Variants in TAFA4 observed in about 807,000 individuals in gnomAD.
TAFA4 encodes TAFA chemokine like family member 4.
In TAFA4, 20 loss-of-function variants were observed where a neutral mutation model predicts 21.1. The ratio of observed to expected loss-of-function variants is 0.95; its 90% CI spans 0.67 to 1.38. The LOEUF (loss-of-function observed/expected upper bound fraction) is 1.38, where lower values mean the gene tolerates loss of function less well. TAFA4 is among the 40% of genes most tolerant of loss of function. The pLI is 0.00. For synonymous variants in TAFA4, 71 were observed against 67.4 expected (o/e 1.05, Z -0.26); for missense variants, 211 against 180.9 (o/e 1.17, Z -0.95).
At chr3:68,749,429 C>G (rs1259285040) in intron 4 of TAFA4, among the ~76,000 whole-genome samples, 1 of 152,076 alleles carries the variant, frequency 6.6e-6, no homozygotes, top group Admixed American at 6.6e-5. Flanking sequence ...TTCTTATTGA[C>G]AGATAAGAGG....
chr3:68,754,069 ACTCT>A (rs1366512423), intron 3 of TAFA4, among the ~76,000 whole-genome samples: 2 of 152,004 alleles, frequency 1.3e-5, no homozygotes, highest in African/African-American at 4.8e-5. Context: ...TTTATCATTC[ACTCT>A]CTCATGTTTT....
intron 3 of TAFA4, among the ~76,000 whole-genome samples, chr3:68,808,497 T>C (rs1703753004): frequency 6.6e-6 from 1 of 152,222 alleles, no homozygotes; most frequent in Admixed American, 6.5e-5. Flanking sequence ...ACTGCCTTCT[T>C]AAACCCTCTG....
At chr3:68,819,238 C>T (rs1013458888) in intron 3 of TAFA4, among the ~76,000 whole-genome samples, 1 of 146,408 alleles carries the variant, frequency 6.8e-6, no homozygotes, top group African/African-American at 2.5e-5. Flanking sequence ...CTACTGCACA[C>T]CTGCCTGGGT....
At chr3:68,931,401 A>T (rs1416981543) in intron 1 of TAFA4, among the ~76,000 whole-genome samples, 3 of 152,196 alleles carry the variant, frequency 2.0e-5, no homozygotes, top group Non-Finnish European at 2.9e-5. Flanking sequence ...GGAGCCCCTA[A>T]ACGTTAAATG....
At chr3:68,750,545 C>A (rs984536323) in intron 4 of TAFA4, among the ~76,000 whole-genome samples, 3 of 152,096 alleles carry the variant, frequency 2.0e-5, no homozygotes, top group African/African-American at 2.4e-5. Context: ...CACAGATATA[C>A]AGAAAAATAT....
At chr3:68,758,542 C>A (rs1021827163) in intron 3 of TAFA4, among the ~76,000 whole-genome samples, 1 of 152,206 alleles carries the variant, frequency 6.6e-6, no homozygotes, top group Non-Finnish European at 1.5e-5. Context: ...GATTGTGAGG[C>A]CTCCCCAGCC....
chr3:68,733,036 G>A lies in TAFA4; in HGVS notation c.*106C>T. The A allele has an allele frequency of 6.8e-7, 1 of 1,467,462 alleles. No individual in the cohort carries two copies. Among genetic ancestry groups the A allele is most frequent in the Non-Finnish European group, 9.4e-7 (1 of 1,062,578 alleles). The allele number at this position is 1,467,462 out of a possible 1,614,324, so 90.9% of individuals were successfully genotyped here. ...AGCTCACATATACAAATATGAAGTT[G>A]CTGAAATCCTAGACAATTTTCTGCA... On this transcript the variant is annotated 3_prime_UTR_variant, in exon 6 of 6. Coordinates refer to ENST00000295569, the MANE Select transcript of TAFA4 (RefSeq NM_182522.5).
At chr3:68,831,543 A>G (rs186636236) in intron 3 of TAFA4, among the ~76,000 whole-genome samples, 1 of 146,550 alleles carries the variant, frequency 6.8e-6, no homozygotes, top group Non-Finnish European at 1.5e-5. Context: ...GGTTTCTGCA[A>G]TCAGATCTGC....
chr3:68,873,376 A>ACACACC (rs1491286222), intron 3 of TAFA4, among the ~76,000 whole-genome samples: 5 of 138,456 alleles, frequency 3.6e-5, no homozygotes, highest in African/African-American at 5.1e-5. Flanking sequence ...ACACACACAC[A>ACACACC]CCCTGGGCCA....
intron 3 of TAFA4, among the ~76,000 whole-genome samples, chr3:68,869,972 AC>A (rs1488194442): frequency 6.6e-6 from 1 of 152,080 alleles, no homozygotes; most frequent in Admixed American, 6.6e-5. Context: ...AAAGATTCCA[AC>A]AAAAAACACT....
intron 3 of TAFA4, among the ~76,000 whole-genome samples, chr3:68,799,528 G>C (rs1465076263): frequency 6.6e-6 from 1 of 152,188 alleles, no homozygotes; most frequent in African/African-American, 2.4e-5. Flanking sequence ...GGTAAAAGAG[G>C]CTTTGCAGTT....
chr3:68,852,391 T>C (rs1575641430), intron 3 of TAFA4, among the ~76,000 whole-genome samples: 1 of 152,160 alleles, frequency 6.6e-6, no homozygotes, highest in Admixed American at 6.5e-5. Context: ...CCTATTCCTG[T>C]GTGGAGGCCT....
At chr3:68,918,148 C>CAG (rs773286887) in intron 1 of TAFA4, among the ~76,000 whole-genome samples, 6 of 151,280 alleles carry the variant, frequency 4.0e-5, no homozygotes, top group Non-Finnish European at 8.8e-5. Context: ...CACACACACA[C>CAG]ACACACAAAC....
At chr3:68,811,328 A>G (rs1380577118) in intron 3 of TAFA4, among the ~76,000 whole-genome samples, 3 of 152,210 alleles carry the variant, frequency 2.0e-5, no homozygotes, top group Non-Finnish European at 2.9e-5. Flanking sequence ...ACAGAGAATG[A>G]CTTCGACAAG....
At chr3:68,809,419 T>C (rs1287087963) in intron 3 of TAFA4, among the ~76,000 whole-genome samples, 2 of 152,212 alleles carry the variant, frequency 1.3e-5, no homozygotes, top group African/African-American at 2.4e-5. Flanking sequence ...AGAAATATAA[T>C]TGGTTGCCAA....
At chr3:68,917,869 C>G (rs957599471) in intron 1 of TAFA4, among the ~76,000 whole-genome samples, 1 of 151,966 alleles carries the variant, frequency 6.6e-6, no homozygotes, top group African/African-American at 2.4e-5. Context: ...CACTCTGACA[C>G]CCAGTTTGTG....
intron 3 of TAFA4, among the ~76,000 whole-genome samples, chr3:68,859,663 C>G (rs531283691): frequency 6.6e-6 from 1 of 152,286 alleles, no homozygotes; most frequent in Admixed American, 6.5e-5. Context: ...GAGAACTTCT[C>G]AGCCATGCAT....
chr3:68,769,966 G>A (rs1037269158), intron 3 of TAFA4, among the ~76,000 whole-genome samples: 5 of 151,976 alleles, frequency 3.3e-5, no homozygotes, highest in Admixed American at 6.6e-5. Flanking sequence ...AACAACTGCC[G>A]TGTAAAAGCT....
intron 3 of TAFA4, among the ~76,000 whole-genome samples, chr3:68,771,943 C>T (rs981426919): frequency 1.1e-4 from 16 of 152,174 alleles, no homozygotes; most frequent in African/African-American, 3.6e-4. Flanking sequence ...AATCCAAATG[C>T]TTGGTAAGAC....
Sources: gnomAD v4.1 joint callset for allele counts (sites outside exome capture counted in the v4.1 genomes callset) on GRCh38, gnomAD v4.1.1 for gene constraint, MANE v1.5 for transcripts, NCBI Gene and HGNC (gene_info 2026-07-23, HGNC 2026-07-21) for gene names.